Variants in FAM83F observed in about 807,000 individuals in gnomAD.
The protein encoded by FAM83F is protein FAM83F.
A neutral mutation model predicts 42.9 loss-of-function variants in FAM83F; 45 were observed. That is an observed-to-expected ratio of 1.05 (90% CI 0.83 to 1.35). FAM83F has a LOEUF of 1.35. FAM83F is among the 40% of genes most tolerant of loss of function. The pLI, the probability that FAM83F is intolerant of heterozygous loss-of-function variation, is 0.00. For synonymous variants in FAM83F, 306 were observed against 298.3 expected, an observed-to-expected ratio of 1.03 and a Z score of -0.27; for missense variants, 617 against 695.9, an observed-to-expected ratio of 0.89 and a Z score of 1.28.
intron 1 of FAM83F, among the ~76,000 whole-genome samples, chr22:39,999,811 G>A (rs2067389721): frequency 6.6e-6 from 1 of 152,228 alleles, no homozygotes; most frequent in East Asian, 1.9e-4. Flanking sequence ...AATGGTTGAG[G>A]AAGGAGGGTA....
In FAM83F at chr22:40,029,630, C is replaced by T. The variant is rs1000685869; in HGVS notation, c.*65C>T. 4.1e-5 allele frequency: 64 copies of T among 1,574,956 alleles called. No individual in the cohort carries two copies. The highest frequency in any genetic ancestry group is 1.7e-4 in the Middle Eastern group (1 of 6,006). On this transcript the variant is annotated 3_prime_UTR_variant, in exon 5 of 5. Coordinates refer to ENST00000333407, the MANE Select transcript of FAM83F (RefSeq NM_138435.4). ...CTGCCCTGCCCTGTGCTGTGGAGAG[C>T]GCAGGTCGCACACTGCACCAGTTTG...
At position 40,021,144 on chromosome 22, in the gene FAM83F, A is replaced by C; in HGVS notation, c.780-146A>C. On this transcript the variant is annotated intron_variant, in intron 3 of 4. Coordinates refer to ENST00000333407, the MANE Select transcript of FAM83F (RefSeq NM_138435.4). This position sits in a 1 kb window ranked among gnomAD's most constrained non-coding sequence, Gnocchi z 8.7. ...GGAAAGGGAGGCTACGGGTGGGTGGAGGGAATCAGTCCAGCGTGTGGCCCA... is the reference window on the plus strand; with the variant it reads ...GGAAAGGGAGGCTACGGGTGGGTGGCGGGAATCAGTCCAGCGTGTGGCCCA... 1.1e-6 allele frequency: 1 copy of C among 874,932 alleles called. No individual in the cohort carries two copies. The highest frequency in any genetic ancestry group is 1.6e-6 in the Non-Finnish European group (1 of 625,184). The allele number at this position is 874,932 out of a possible 1,614,324, so 54.2% of individuals were successfully genotyped here.
intron 1 of FAM83F, chr22:40,010,074 C>T (rs949928752): frequency 6.6e-6 from 1 of 152,280 alleles, no homozygotes; most frequent in Admixed American, 6.5e-5. Context: ...AAACTGCTGC[C>T]GCCTCGAATC....
At chr22:40,017,333 A>G (rs1478111981) in intron 1 of FAM83F, among the ~76,000 whole-genome samples, 1 of 148,586 alleles carries the variant, frequency 6.7e-6, no homozygotes, top group Non-Finnish European at 1.5e-5. Flanking sequence ...GGTTGCAATG[A>G]GCGATTCTCC....
chr22:40,003,775 T>C (rs1403987816), intron 1 of FAM83F, among the ~76,000 whole-genome samples: 1 of 152,214 alleles, frequency 6.6e-6, no homozygotes, highest in Non-Finnish European at 1.5e-5. Flanking sequence ...TTAGTCTCTC[T>C]GGCCCAGGTT....
At chr22:40,014,447 A>G (rs1182894376) in intron 1 of FAM83F, among the ~76,000 whole-genome samples, 1 of 152,180 alleles carries the variant, frequency 6.6e-6, no homozygotes, top group African/African-American at 2.4e-5. Flanking sequence ...AATTAAAATG[A>G]TACCATTTCT....
intron 1 of FAM83F, among the ~76,000 whole-genome samples, chr22:40,016,201 T>TTGTTTTATACGTTGTTGTTGTTGTTGTTG (rs564392103): frequency 2.0e-5 from 3 of 151,674 alleles, no homozygotes; most frequent in Non-Finnish European, 4.4e-5. Context: ...TGTTGTTGTT[T>TTGTTTTATACGTTGTTGTTGTTGTTGTTG]TTTTATTTTT....
intron 1 of FAM83F, among the ~76,000 whole-genome samples, chr22:40,018,205 C>T (rs542435652): frequency 1.1e-3 from 164 of 152,320 alleles, no homozygotes; most frequent in South Asian, 2.9e-3. Flanking sequence ...CCAAGCCAGC[C>T]GGAGCTCTGC....
intron 1 of FAM83F, among the ~76,000 whole-genome samples, chr22:40,007,012 C>T (rs2067433055): frequency 6.6e-6 from 1 of 152,036 alleles, no homozygotes; most frequent in Admixed American, 6.6e-5. Context: ...ATGAAGTAGC[C>T]TCATTTTACA....
rs1166038834 is a variant in FAM83F, at chr22:40,023,438, A to C, written c.1453+1475A>C. Among the ~76,000 whole-genome samples the C allele has an allele frequency of 6.6e-6, 1 of 151,990 alleles. No homozygotes were observed. The highest frequency in any genetic ancestry group is 1.5e-5 in the Non-Finnish European group (1 of 67,980). ...CACCTGGCAAGGGAGCGAGGGGAAG[A>C]GGGGAAGGAGGTGGAAGAGGGGAAG... On this transcript the variant is annotated intron_variant, in intron 4 of 4. Coordinates refer to ENST00000333407, the MANE Select transcript of FAM83F (RefSeq NM_138435.4). The surrounding 1 kb of genome is among the most constrained non-coding windows in gnomAD (Gnocchi z 4.1).
chr22:40,016,242 G>A (rs1386760520), intron 1 of FAM83F, among the ~76,000 whole-genome samples: 2 of 151,982 alleles, frequency 1.3e-5, no homozygotes, highest in African/African-American at 4.8e-5. Flanking sequence ...CTGTCATCTA[G>A]GCTGGACTGG....
chr22:40,019,870 T>C lies in FAM83F; in HGVS notation c.658-17T>C, dbSNP rs373821242. 5 of 1,600,858 alleles carry C rather than the reference T, an allele frequency of 3.1e-6. No individual in the cohort carries two copies. The highest frequency in any genetic ancestry group is 4.3e-6 in the Non-Finnish European group (5 of 1,174,088). On this transcript the variant is annotated splice_polypyrimidine_tract_variant and intron_variant, in intron 2 of 4. Coordinates refer to ENST00000333407, the MANE Select transcript of FAM83F (RefSeq NM_138435.4). The stretch of plus-strand genomic sequence containing the variant: ...TGGCCCAACCCAGGTGACAGGGCCT[T>C]CTGCTCTTCCCAACAGAACATCCGT...
At position 40,021,996 on chromosome 22, in the gene FAM83F, C is replaced by A; in HGVS notation, c.1453+33C>A. The A allele has an allele frequency of 6.6e-7, 1 of 1,507,152 alleles. No homozygotes were observed. Among genetic ancestry groups the A allele is most frequent in the South Asian group, 1.3e-5 (1 of 76,318 alleles). 93.4% of individuals were successfully genotyped at this position (1,507,152 alleles called of 1,614,324 possible). A position where few individuals can be genotyped will look rare whatever the true frequency, so the allele number is the denominator to read the frequency against. The stretch of plus-strand genomic sequence containing the variant: ...CTCTTCCCTCTGGCCTGGTGCCTCC[C>A]CAGGCCTCTGGCCCTCGCCCCGCAT... On this transcript the variant is annotated intron_variant, in intron 4 of 4. Coordinates refer to ENST00000333407, the MANE Select transcript of FAM83F (RefSeq NM_138435.4). The surrounding 1 kb of genome is among the most constrained non-coding windows in gnomAD (Gnocchi z 8.7).
In FAM83F at chr22:40,031,431, C is replaced by T. The variant is rs1260344837; in HGVS notation, c.*1866C>T. Reference sequence around the variant, plus strand: ...AGGGACCGGCCTCCAAGCAAGTCAGCCAAGGGCATCTGTGCCTCCCCTGCC... The same window carrying T: ...AGGGACCGGCCTCCAAGCAAGTCAGTCAAGGGCATCTGTGCCTCCCCTGCC... On this transcript the variant is annotated 3_prime_UTR_variant, in exon 5 of 5. Transcript: ENST00000333407. The T allele has an allele frequency of 6.6e-6, 1 of 152,318 alleles. No homozygotes were observed. Among genetic ancestry groups the T allele is most frequent in the Non-Finnish European group, 1.5e-5 (1 of 68,144 alleles). 9.4% of individuals were successfully genotyped at this position (152,318 alleles called of 1,614,324 possible).
At chr22:40,004,285 TTTATTTTA>T (rs1295242631) in intron 1 of FAM83F, among the ~76,000 whole-genome samples, 1 of 149,090 alleles carries the variant, frequency 6.7e-6, no homozygotes, top group Non-Finnish European at 1.5e-5. Context: ...TTTATTTTAT[TTTATTTTA>T]TTTTATTTTA....
In FAM83F at chr22:40,023,405, ATGGTGAACACC is replaced by A. The variant is rs1319938893; in HGVS notation, c.1453+1446_1453+1456del. On this transcript the variant is annotated intron_variant, in intron 4 of 4. Coordinates refer to ENST00000333407, the MANE Select transcript of FAM83F (RefSeq NM_138435.4). The surrounding 1 kb of genome is among the most constrained non-coding windows in gnomAD (Gnocchi z 4.1). The stretch of plus-strand genomic sequence containing the variant: ...CCTCTGGTTTGGAGGAAGGGTTGCC[ATGGTGAACACC>A]TGGCAAGGGAGCGAGGGGAAGAGGG... Among the ~76,000 whole-genome samples, 2 of 152,096 alleles carry A rather than the reference ATGGTGAACACC, an allele frequency of 1.3e-5. No individual in the cohort carries two copies. The highest frequency in any genetic ancestry group is 2.9e-5 in the Non-Finnish European group (2 of 68,000).
Position 40,034,730 on chromosome 22 carries a change from C to G in FAM83F, c.*5165C>G, listed in dbSNP as rs1601776487. The G allele has an allele frequency of 6.6e-6, 1 of 152,370 alleles. No individual in the cohort carries two copies. The highest frequency in any genetic ancestry group is 2.1e-4 in the South Asian group (1 of 4,832). The allele number at this position is 152,370 out of a possible 1,614,324, so 9.4% of individuals were successfully genotyped here. ...ACAGAGAATTAGCCAGGTGAATAAACAGGATGTGTCATAGAGGTTCTAGAA... is the reference window on the plus strand; with the variant it reads ...ACAGAGAATTAGCCAGGTGAATAAAGAGGATGTGTCATAGAGGTTCTAGAA... On this transcript the variant is annotated 3_prime_UTR_variant, in exon 5 of 5. Coordinates refer to ENST00000333407, the MANE Select transcript of FAM83F (RefSeq NM_138435.4).
At chr22:39,998,303 G>T (rs1601760528) in intron 1 of FAM83F, among the ~76,000 whole-genome samples, 1 of 152,190 alleles carries the variant, frequency 6.6e-6, no homozygotes. Context: ...ACATCCAACT[G>T]TGTGCCAGAG....
At chr22:40,028,353 A>G (rs2067566519) in intron 4 of FAM83F, among the ~76,000 whole-genome samples, 1 of 152,370 alleles carries the variant, frequency 6.6e-6, no homozygotes, top group East Asian at 1.9e-4. Flanking sequence ...CTCATGGCCC[A>G]GGAGAGGAGG....
Sources: gnomAD v4.1 joint callset for allele counts (sites outside exome capture counted in the v4.1 genomes callset) on GRCh38, gnomAD v4.1.1 for gene constraint, Gnocchi (gnomAD v3.1) non-coding constraint, MANE v1.5 for transcripts, NCBI Gene and HGNC (gene_info 2026-07-23, HGNC 2026-07-21) for gene names.